SCYL3: variants seen among roughly 807,000 people sequenced by gnomAD.
SCYL3 encodes the protein SCY1 like pseudokinase 3, also known as protein-associating with the carboxyl-terminal domain of ezrin.
SCYL3 carries 35 observed loss-of-function variants against 73.8 expected under a neutral mutation model. The ratio of observed to expected loss-of-function variants is 0.47; its 90% CI spans 0.36 to 0.63. The LOEUF (loss-of-function observed/expected upper bound fraction) is 0.63, where lower values mean the gene tolerates loss of function less well. Ranked by LOEUF, SCYL3 falls within the 20% of genes least tolerant of loss-of-function variation. The probability of loss-of-function intolerance (pLI) is 0.00; values close to 1 mark genes in which losing one functional copy is unlikely to be tolerated. For missense variants in SCYL3, 712 were observed against 798.9 expected (o/e 0.89, Z 1.31); for synonymous variants, 277 against 295.2 (o/e 0.94, Z 0.63).
Position 169,868,921 on chromosome 1 carries a change from C to A in SCYL3, c.737+7G>T, listed in dbSNP as rs200983271. On this transcript the variant is annotated splice_region_variant and intron_variant, in intron 7 of 12. Coordinates refer to ENST00000367771, the MANE Select transcript of SCYL3 (RefSeq NM_020423.7). ...GCAGCTGGCGTCACCACACCAGATG[C>A]CCTCACCTGAAGAAGTCATGAGATA... 1 of 1,604,656 alleles carries A rather than the reference C, an allele frequency of 6.2e-7. No individual in the cohort carries two copies. Among genetic ancestry groups the A allele is most frequent in the African/African-American group, 1.3e-5 (1 of 74,830 alleles).
chr1:169,876,993 T>G (rs954481235), intron 3 of SCYL3, among the ~76,000 whole-genome samples: 1 of 89,070 alleles, frequency 1.1e-5, no homozygotes, highest in African/African-American at 4.4e-5. Context: ...AAAAAAGAAA[T>G]ATCCCACAGA....
intron 7 of SCYL3, among the ~76,000 whole-genome samples, 164 bp from the exon 8 acceptor site, chr1:169,867,137 G>A (rs141519499): frequency 6.6e-5 from 10 of 152,286 alleles, no homozygotes; most frequent in African/African-American, 2.4e-4. Context: ...CAAATACTAT[G>A]GAACACGCCT....
chr1:169,854,831 C>T lies in SCYL3; in HGVS notation c.1446G>A (p.Glu482=), dbSNP rs1372534735. The T allele has an allele frequency of 8.1e-6, 13 of 1,613,910 alleles. No individual in the cohort carries two copies. Among genetic ancestry groups the T allele is most frequent in the Admixed American group, 3.3e-5 (2 of 59,984 alleles). Residue 482 remains glutamate (E), a synonymous_variant, in exon 12 of 13, where the codon GAG becomes GAA. Coordinates refer to ENST00000367771, the MANE Select transcript of SCYL3 (RefSeq NM_020423.7). ...TGTTGACAGTTTGATTTTCAGGCTCCTCAGGTTCACTCCAGTCAGGCCACT... is the reference window on the plus strand; with the variant it reads ...TGTTGACAGTTTGATTTTCAGGCTCTTCAGGTTCACTCCAGTCAGGCCACT... ...SEEWPDWSEP[E]EPENQTVNIQ... is the part of the protein sequence containing the mutation.
rs1658706638 is a variant in SCYL3, at chr1:169,853,569, G to C, written c.*144C>G. The stretch of plus-strand genomic sequence containing the variant: ...CACTCACAGTCAGTCTCCTACTTCA[G>C]TTGGCACAGACTGGATAATGAGCTC... On this transcript the variant is annotated 3_prime_UTR_variant, in exon 13 of 13. Coordinates refer to ENST00000367771, the MANE Select transcript of SCYL3 (RefSeq NM_020423.7). 1 of 815,388 alleles carries C rather than the reference G, an allele frequency of 1.2e-6. No individual in the cohort carries two copies. The highest frequency in any genetic ancestry group is 1.7e-5 in the African/African-American group (1 of 58,542). 50.5% of individuals were successfully genotyped at this position (815,388 alleles called of 1,614,324 possible).
chr1:169,885,082 G>C (rs1454771954), intron 2 of SCYL3, among the ~76,000 whole-genome samples: 1 of 152,182 alleles, frequency 6.6e-6, no homozygotes, highest in African/African-American at 2.4e-5. Flanking sequence ...TTTTGAATGA[G>C]TGTCTTGAAA....
chr1:169,876,190 T>A, intron 3 of SCYL3, 99 bp from the exon 4 acceptor site: 1 of 635,356 alleles, frequency 1.6e-6, no homozygotes, highest in South Asian at 3.3e-5. Flanking sequence ...CAATCTTTAT[T>A]TTAAAAAACT....
At chr1:169,869,199 A>G (rs1660232141) in intron 6 of SCYL3, 160 bp from the exon 7 acceptor site, 1 of 595,456 alleles carries the variant, frequency 1.7e-6, no homozygotes, top group East Asian at 2.9e-5. Context: ...GGCAAAACTC[A>G]TTGGCAGGTG....
chr1:169,858,331 TAC>T (rs1270089608), intron 11 of SCYL3, among the ~76,000 whole-genome samples: 1 of 152,194 alleles, frequency 6.6e-6, no homozygotes, highest in Non-Finnish European at 1.5e-5. Context: ...AGCCTAGGCC[TAC>T]ACAGGGTCAA....
At chr1:169,892,229 T>C (rs1662135437) in intron 1 of SCYL3, among the ~76,000 whole-genome samples, 1 of 152,144 alleles carries the variant, frequency 6.6e-6, no homozygotes, top group Non-Finnish European at 1.5e-5. Context: ...GAAGCACAAA[T>C]ACTGTTATAT....
intron 8 of SCYL3, among the ~76,000 whole-genome samples, chr1:169,866,263 T>C (rs1660026804): frequency 2.6e-5 from 4 of 152,250 alleles, no homozygotes; most frequent in Non-Finnish European, 5.9e-5. Context: ...GAGACATTAA[T>C]GCCCTTATGT....
Position 169,853,641 on chromosome 1 carries a change from C to T in SCYL3, c.*72G>A. On this transcript the variant is annotated 3_prime_UTR_variant, in exon 13 of 13. Coordinates refer to ENST00000367771, the MANE Select transcript of SCYL3 (RefSeq NM_020423.7). ...ACTTTGGGGTTTTCTTGTCCCAAAG[C>T]CTGCTTTTGAGGTATTGATTTTTTT... 6.5e-7 allele frequency: 1 copy of T among 1,537,942 alleles called. No homozygotes were observed. The highest frequency in any genetic ancestry group is 1.1e-5 in the South Asian group (1 of 87,918).
At chr1:169,857,540 T>A (rs1306486081) in intron 11 of SCYL3, among the ~76,000 whole-genome samples, 4 of 152,188 alleles carry the variant, frequency 2.6e-5, no homozygotes, top group Admixed American at 2.6e-4. Flanking sequence ...TTTGTAGGGA[T>A]TAAAAATCCA....
rs573637651 is a variant in SCYL3, at chr1:169,849,793, G to T, written c.*3920C>A. The T allele has an allele frequency of 1.4e-5, 8 of 576,226 alleles. No individual in the cohort carries two copies. The highest frequency in any genetic ancestry group is 2.5e-5 in the Non-Finnish European group (8 of 324,740). The allele number at this position is 576,226 out of a possible 1,614,324, so 35.7% of individuals were successfully genotyped here. A position where few individuals can be genotyped will look rare whatever the true frequency, so the allele number is the denominator to read the frequency against. On this transcript the variant is annotated 3_prime_UTR_variant, in exon 13 of 13. Coordinates refer to ENST00000367771, the MANE Select transcript of SCYL3 (RefSeq NM_020423.7). ...GGCTTAGATAAATGAAGTGAATTTC[G>T]TAAGGTCCTCTGAATAAACAAGGAC...
At chr1:169,870,172 T>C in intron 6 of SCYL3, 83 bp downstream of exon 6, 2 of 1,014,730 alleles carry the variant, frequency 2.0e-6, no homozygotes, top group Non-Finnish European at 2.9e-6. Context: ...TCAAAGACTG[T>C]AGTCCTTTGA....
intron 2 of SCYL3, among the ~76,000 whole-genome samples, chr1:169,879,357 G>A (rs1321123468): frequency 6.6e-6 from 1 of 152,200 alleles, no homozygotes; most frequent in Admixed American, 6.5e-5. Flanking sequence ...CAAGGAAGGT[G>A]AGTATGAGGA....
intron 2 of SCYL3, among the ~76,000 whole-genome samples, chr1:169,881,738 A>G (rs1481011955): frequency 6.6e-6 from 1 of 152,086 alleles, no homozygotes; most frequent in African/African-American, 2.4e-5. Context: ...GCGGTCCCCA[A>G]CCTTTTTGAC....
At chr1:169,888,540 ATGTTTTGAAAGGACATAAATAAAATACT>A in intron 2 of SCYL3, 108 bp downstream of exon 2, 1 of 667,308 alleles carries the variant, frequency 1.5e-6, no homozygotes, top group South Asian at 2.3e-5. Context: ...AGTAAGAGCA[ATGTTTTGAAAGGACATAAATAAAATACT>A]GGTCCTTATG....
intron 4 of SCYL3, among the ~76,000 whole-genome samples, chr1:169,875,311 G>C (rs974507717): frequency 1.3e-5 from 2 of 152,178 alleles, no homozygotes; most frequent in African/African-American, 2.4e-5. Context: ...CCTTAAGAAA[G>C]AGTGAATGCA....
In SCYL3 at chr1:169,862,370, C is replaced by A. The variant is rs574149087; in HGVS notation, c.1140+243G>T. Among the ~76,000 whole-genome samples the A allele has an allele frequency of 3.3e-5, 5 of 152,298 alleles. No homozygotes were observed. In the East Asian group the frequency reaches 5.8e-4, roughly 18 times the overall value. ...AAGTGCTCCATACATTATTGTTATT[C>A]ATTTACCCTCCCAAAATTAACAAAC... On this transcript the variant is annotated intron_variant, in intron 10 of 12. Transcript: ENST00000367771.
Sources: allele counts gnomAD v4.1 joint callset (sites outside exome capture counted in the v4.1 genomes callset), GRCh38; gene constraint gnomAD v4.1.1; transcripts MANE v1.5; gene names NCBI Gene and HGNC (gene_info 2026-07-23, HGNC 2026-07-21).